The following ZNF7 variants were observed in gnomAD, a reference collection of about 807,000 sequenced individuals.
ZNF7 encodes the protein C2-H2 type zinc finger protein.
ZNF7 carries 10 observed loss-of-function variants against 12.0 expected under a neutral mutation model. That is an observed-to-expected ratio of 0.83 (90% CI 0.51 to 1.42). The LOEUF (loss-of-function observed/expected upper bound fraction) is 1.42, where lower values mean the gene tolerates loss of function less well. Ranked by LOEUF, ZNF7 falls within the 40% of genes most tolerant of loss-of-function variation. The pLI, the probability that ZNF7 is intolerant of heterozygous loss-of-function variation, is 0.00. For missense variants in ZNF7, 854 were observed against 837.2 expected, an observed-to-expected ratio of 1.02 and a Z score of -0.25; for synonymous variants, 334 against 295.0, an observed-to-expected ratio of 1.13 and a Z score of -1.35.
intron 4 of ZNF7, chr8:144,838,564 C>T: frequency 5.9e-6 from 1 of 169,158 alleles, no homozygotes; most frequent in Non-Finnish European, 1.3e-5. Context: ...GTCACTCCTG[C>T]AGCAGGGCAG....
At chr8:144,830,227 G>A (rs1245225651) in intron 3 of ZNF7, among the ~76,000 whole-genome samples, 1 of 152,246 alleles carries the variant, frequency 6.6e-6, no homozygotes, top group Non-Finnish European at 1.5e-5. Context: ...TGGGGGATCA[G>A]GAGTGGAACT....
rs1830114004 is a variant in ZNF7 at position 144,842,743 on chromosome 8, G to A, written c.1636G>A (p.Val546Ile). ...CACACAGCTTACAATACATCAAAGG[G>A]TTCACACTGGAGAGAGGCCCTATAA... ...MSTQLTIHQRVHTGERPYKCN... is the reference protein window; with the variant it reads ...MSTQLTIHQRIHTGERPYKCN... The change falls in exon 5 of 5, where the codon GTT (valine) becomes ATT (isoleucine). Residue 546 changes from valine (V) to isoleucine (I), a missense_variant. Transcript: ENST00000532777. 2 of 1,613,120 alleles carry A rather than the reference G, an allele frequency of 1.2e-6. No homozygotes were observed. Among genetic ancestry groups the A allele is most frequent in the South Asian group, 2.2e-5 (2 of 90,960 alleles).
Position 144,843,279 on chromosome 8 carries a change from A to C in ZNF7, c.*111A>C. 7.5e-7 allele frequency: 1 copy of C among 1,328,240 alleles called. No individual in the cohort carries two copies. Among genetic ancestry groups the C allele is most frequent in the Non-Finnish European group, 1.0e-6 (1 of 984,342 alleles). 82.3% of individuals were successfully genotyped at this position (1,328,240 alleles called of 1,614,324 possible). On this transcript the variant is annotated 3_prime_UTR_variant, in exon 5 of 5. Transcript: ENST00000532777. ...ACATGTAGAATGTTGGTAAAGGTTCAGAATTGCTCTCAAGAATATCCAACT... is the reference window on the plus strand; with the variant it reads ...ACATGTAGAATGTTGGTAAAGGTTCCGAATTGCTCTCAAGAATATCCAACT...
At chr8:144,828,886 C>G (rs1469086125) in intron 1 of ZNF7, 157 bp from the exon 2 acceptor site, 3 of 865,862 alleles carry the variant, frequency 3.5e-6, no homozygotes, top group Non-Finnish European at 5.3e-6. Flanking sequence ...GGGCCTCCTT[C>G]ACTCAAGTGC....
At chr8:144,832,813 ATCCCAGC>A (rs1221906065) in intron 3 of ZNF7, among the ~76,000 whole-genome samples, 1 of 152,150 alleles carries the variant, frequency 6.6e-6, no homozygotes, top group Admixed American at 6.6e-5. Context: ...TCTCATCTGT[ATCCCAGC>A]TCCACATTTG....
chr8:144,841,317 C>T lies in ZNF7; in HGVS notation c.248-38C>T, dbSNP rs369556795. 19 of 1,554,614 alleles carry T rather than the reference C, an allele frequency of 1.2e-5. No individual in the cohort carries two copies. In the East Asian group the frequency reaches 3.2e-4, roughly 26 times the overall value. The stretch of plus-strand genomic sequence containing the variant: ...TGTAGTCTTATCATTTCTCTGAGCA[C>T]AGGGCCTAAGGAACGTCTTTGTTCC... On this transcript the variant is annotated intron_variant, in intron 4 of 4. Coordinates refer to ENST00000532777, the MANE Select transcript of ZNF7 (RefSeq NM_003416.4).
chr8:144,837,530 G>T, intron 4 of ZNF7, 23 bp downstream of exon 4: 2 of 1,568,054 alleles, frequency 1.3e-6, no homozygotes, highest in South Asian at 1.1e-5. Context: ...TCCCATCGCA[G>T]AGAAGCCCTG....
At chr8:144,828,100 C>T (rs902546086) in intron 1 of ZNF7, 5 of 152,288 alleles carry the variant, frequency 3.3e-5, no homozygotes, top group Admixed American at 2.6e-4. Context: ...TCCGGGCATT[C>T]CTACTGTCAG....
chr8:144,839,055 C>T (rs1829490837), intron 4 of ZNF7, among the ~76,000 whole-genome samples: 3 of 113,580 alleles, frequency 2.6e-5, no homozygotes, highest in Non-Finnish European at 3.7e-5. Flanking sequence ...ACCTTACTTC[C>T]ATTCATATGC....
chr8:144,837,731 G>C (rs1829192753), intron 4 of ZNF7, among the ~76,000 whole-genome samples: 1 of 152,214 alleles, frequency 6.6e-6, no homozygotes. Flanking sequence ...AAAAACCCAT[G>C]CATTTCCACA....
chr8:144,834,367 A>C (rs1163677217), intron 3 of ZNF7: 1 of 151,678 alleles, frequency 6.6e-6, no homozygotes, highest in African/African-American at 2.4e-5. Context: ...CCCAGCCCTC[A>C]CTCCTCCCAT....
rs1324676039 is a variant in ZNF7 at position 144,842,604 on chromosome 8, T to C, written c.1497T>C (p.Cys499=). The part of the protein sequence containing the change: ...RIHTGEKPYV[C]NDCGKAFSQS... Reference sequence around the variant, plus strand: ...ACACTGGAGAGAAACCCTATGTGTGTAATGACTGTGGAAAAGCCTTCAGTC... The same window carrying C: ...ACACTGGAGAGAAACCCTATGTGTGCAATGACTGTGGAAAAGCCTTCAGTC... Residue 499 remains cysteine, a synonymous_variant, in exon 5 of 5, where the codon TGT becomes TGC. Transcript: ENST00000532777. 1.2e-6 allele frequency: 2 copies of C among 1,614,190 alleles called. No homozygotes were observed. The highest frequency in any genetic ancestry group is 1.7e-6 in the Non-Finnish European group (2 of 1,180,030).
chr8:144,844,517 T>C (rs1385823240), downstream of ZNF7, among the ~76,000 whole-genome samples: 1 of 151,392 alleles, frequency 6.6e-6, no homozygotes, highest in African/African-American at 2.4e-5. Flanking sequence ...AAGACCATCC[T>C]GGCTAACACA....
intron 2 of ZNF7, 61 bp downstream of exon 2, chr8:144,829,151 G>A: frequency 6.2e-7 from 1 of 1,609,878 alleles, no homozygotes; most frequent in East Asian, 2.2e-5. Context: ...CTCCTGCTCT[G>A]CCCACTGGCC....
downstream of ZNF7, chr8:144,846,106 A>G: frequency 4.6e-6 from 7 of 1,535,912 alleles, no homozygotes; most frequent in Non-Finnish European, 6.1e-6. Context: ...GGCTCTCGTC[A>G]TCTCCTCTTG....
Position 144,843,247 on chromosome 8 carries a change from CT to C in ZNF7, c.*80del. 2 of 1,433,884 alleles carry C rather than the reference CT, an allele frequency of 1.4e-6. No homozygotes were observed. The highest frequency in any genetic ancestry group is 1.9e-6 in the Non-Finnish European group (2 of 1,068,300). 88.8% of individuals were successfully genotyped at this position (1,433,884 alleles called of 1,614,324 possible). A position where few individuals can be genotyped will look rare whatever the true frequency, so the allele number is the denominator to read the frequency against. ...CTTATTTTATATGGAATCGTTTATA[CT>C]GACAAACATGTAGAATGTTGGTAAA... On this transcript the variant is annotated 3_prime_UTR_variant, in exon 5 of 5. Transcript: ENST00000532777.
At chr8:144,847,379 A>G (rs1422166302), downstream of ZNF7, 1 of 152,200 alleles carries the variant, frequency 6.6e-6, no homozygotes, top group Non-Finnish European at 1.5e-5. Flanking sequence ...GAGTTCGGAG[A>G]CCACAGTGAG....
rs549642860 is a variant in ZNF7, at chr8:144,835,189, T to C, written c.131-2202T>C. The C allele has an allele frequency of 3.9e-4, 59 of 152,042 alleles. 1 individual carries two copies. Among genetic ancestry groups the C allele is most frequent in the Admixed American group, 2.1e-3 (32 of 15,260 alleles). The allele number at this position is 152,042 out of a possible 1,614,324, so 9.4% of individuals were successfully genotyped here. On this transcript the variant is annotated intron_variant, in intron 3 of 4. Coordinates refer to ENST00000532777, the MANE Select transcript of ZNF7 (RefSeq NM_003416.4). The stretch of plus-strand genomic sequence containing the variant: ...AAGGAAAGTCTTGGATTAGCATTTA[T>C]GCATTTATATTTTCTTTTTTTTTTT...
intron 1 of ZNF7, among the ~76,000 whole-genome samples, chr8:144,828,518 C>G (rs1044680776): frequency 1.3e-5 from 2 of 152,124 alleles, no homozygotes; most frequent in South Asian, 2.1e-4. Flanking sequence ...TCATCCAACC[C>G]CATTTCTTCT....
Sources: gnomAD v4.1 joint callset for allele counts (sites outside exome capture counted in the v4.1 genomes callset) on GRCh38, gnomAD v4.1.1 for gene constraint, MANE v1.5 for transcripts, NCBI Gene and HGNC (gene_info 2026-07-23, HGNC 2026-07-21) for gene names.